MLLT1: variants seen among roughly 807,000 people sequenced by gnomAD.
MLLT1 encodes the protein MLLT1 super elongation complex subunit.
In MLLT1, 11 loss-of-function variants were observed where a neutral mutation model predicts 55.1. That is an observed-to-expected ratio of 0.20 (90% CI 0.13 to 0.33). The LOEUF (loss-of-function observed/expected upper bound fraction) is 0.33, where lower values mean the gene tolerates loss of function less well. MLLT1 is among the 10% of genes least tolerant of loss of function. The pLI, the probability that MLLT1 is intolerant of heterozygous loss-of-function variation, is 1.00. For missense variants in MLLT1, 536 were observed against 760.6 expected, an observed-to-expected ratio of 0.70 and a Z score of 3.47; for synonymous variants, 323 against 320.1, an observed-to-expected ratio of 1.01 and a Z score of -0.10.
At position 6,273,622 on chromosome 19, in the gene MLLT1, G is replaced by A. The variant is rs889042696; in HGVS notation, c.13-2863C>T. Among the ~76,000 whole-genome samples the A allele has an allele frequency of 4.6e-5, 7 of 152,144 alleles. No homozygotes were observed. Among genetic ancestry groups the A allele is most frequent in the African/African-American group, 1.7e-4 (7 of 41,418 alleles). The stretch of plus-strand genomic sequence containing the variant: ...CCATGACCACCCTCTATGCTTACAC[G>A]CCTGCGCCTCTGCCTTTTTCGCTAG... On this transcript the variant is annotated intron_variant, in intron 1 of 11. Transcript: ENST00000252674. The surrounding 1 kb of genome is among the most constrained non-coding windows in gnomAD (Gnocchi z 4.3).
intron 3 of MLLT1, among the ~76,000 whole-genome samples, chr19:6,236,401 C>A (rs572811854): frequency 6.6e-6 from 1 of 152,256 alleles, no homozygotes; most frequent in African/African-American, 2.4e-5. Flanking sequence ...GCCAGCGCAC[C>A]CCGGCAGAGG....
intron 3 of MLLT1, among the ~76,000 whole-genome samples, chr19:6,233,560 G>C (rs184746538): frequency 6.6e-6 from 1 of 152,330 alleles, no homozygotes; most frequent in Non-Finnish European, 1.5e-5. Flanking sequence ...GCGGCCTAGG[G>C]AGGGCTTTCC....
chr19:6,215,522 G>A (rs544100720), intron 8 of MLLT1, among the ~76,000 whole-genome samples: 6 of 152,308 alleles, frequency 3.9e-5, no homozygotes, highest in Admixed American at 2.0e-4. Flanking sequence ...TGGGAATCCC[G>A]CCATGTGCCT....
chr19:6,254,102 A>G (rs1309752685), intron 3 of MLLT1, among the ~76,000 whole-genome samples: 1 of 152,202 alleles, frequency 6.6e-6, no homozygotes, highest in Admixed American at 6.5e-5. Context: ...ATCATGTGAT[A>G]GGTGGCTGGA....
In MLLT1 at chr19:6,270,557, C is replaced by T. The variant is rs201623872; in HGVS notation, c.193+22G>A. ...GACAGATGGGTCCGTGCTGTGGGCACTCAGGGCTTGAGGCCACTCACCGCG... is the reference window on the plus strand; with the variant it reads ...GACAGATGGGTCCGTGCTGTGGGCATTCAGGGCTTGAGGCCACTCACCGCG... On this transcript the variant is annotated intron_variant, in intron 2 of 11. Coordinates refer to ENST00000252674, the MANE Select transcript of MLLT1 (RefSeq NM_005934.4). The surrounding 1 kb of genome is among the most constrained non-coding windows in gnomAD (Gnocchi z 7.1). The T allele has an allele frequency of 6.3e-7, 1 of 1,599,254 alleles. No homozygotes were observed. The highest frequency in any genetic ancestry group is 2.2e-5 in the East Asian group (1 of 44,784).
chr19:6,274,213 C>CA (rs2091415883), intron 1 of MLLT1, among the ~76,000 whole-genome samples: 1 of 152,230 alleles, frequency 6.6e-6, no homozygotes. Flanking sequence ...GGTGGAATAA[C>CA]AGAGTCTCTG....
At chr19:6,253,140 C>A (rs1400467826) in intron 3 of MLLT1, among the ~76,000 whole-genome samples, 3 of 151,348 alleles carry the variant, frequency 2.0e-5, no homozygotes, top group Admixed American at 6.6e-5. Flanking sequence ...GTGGGCACAC[C>A]CGTAGTCCCA....
chr19:6,270,500 G>A lies in MLLT1; in HGVS notation c.193+79C>T. ...TGGAGGGGTCCTGCTGCTCCTGAGG[G>A]AGGGGTGGAGCCTGGCCTTGGGAGG... On this transcript the variant is annotated intron_variant, in intron 2 of 11. Transcript: ENST00000252674. The surrounding 1 kb of genome is among the most constrained non-coding windows in gnomAD (Gnocchi z 7.1). 6.9e-7 allele frequency: 1 copy of A among 1,454,338 alleles called. No homozygotes were observed. Among genetic ancestry groups the A allele is most frequent in the South Asian group, 1.3e-5 (1 of 76,516 alleles). 90.1% of individuals were successfully genotyped at this position (1,454,338 alleles called of 1,614,324 possible). A position where few individuals can be genotyped will look rare whatever the true frequency, so the allele number is the denominator to read the frequency against.
intron 4 of MLLT1, among the ~76,000 whole-genome samples, chr19:6,228,157 C>G (rs944484240): frequency 1.6e-4 from 25 of 152,152 alleles, no homozygotes; most frequent in African/African-American, 5.8e-4. Flanking sequence ...CCAGCCGTCC[C>G]TGAAAACACG....
intron 2 of MLLT1, among the ~76,000 whole-genome samples, chr19:6,264,424 C>G (rs905130284): frequency 6.6e-6 from 1 of 152,072 alleles, no homozygotes; most frequent in Non-Finnish European, 1.5e-5. Flanking sequence ...TGTGGATAGG[C>G]AGAACCCACC....
chr19:6,210,606 C>T lies in MLLT1; in HGVS notation c.*2436G>A, dbSNP rs1600163235. 3 of 225,276 alleles carry T rather than the reference C, an allele frequency of 1.3e-5. No homozygotes were observed. The highest frequency in any genetic ancestry group is 1.3e-4 in the East Asian group (2 of 15,742). The allele number at this position is 225,276 out of a possible 1,614,324, so 14.0% of individuals were successfully genotyped here. On this transcript the variant is annotated 3_prime_UTR_variant, in exon 12 of 12. Transcript: ENST00000252674. This position sits in a 1 kb window ranked among gnomAD's most constrained non-coding sequence, Gnocchi z 4.6. ...AACCCTTATGGGCAAGAAAGGTATTCGATACCATTTGCTTTCCGGCGTCGG... is the reference window on the plus strand; with the variant it reads ...AACCCTTATGGGCAAGAAAGGTATTTGATACCATTTGCTTTCCGGCGTCGG...
At chr19:6,269,331 A>G (rs1025920103) in intron 2 of MLLT1, among the ~76,000 whole-genome samples, 1 of 152,232 alleles carries the variant, frequency 6.6e-6, no homozygotes, top group Admixed American at 6.5e-5. Flanking sequence ...CCTGCGCACG[A>G]AGCGCTGGCC....
intron 3 of MLLT1, chr19:6,259,706 G>A (rs975643183): frequency 1.3e-5 from 2 of 149,770 alleles, no homozygotes; most frequent in Admixed American, 6.7e-5. Context: ...GGAGCGCTGC[G>A]ATTCTCAGCA....
In MLLT1 at chr19:6,226,449, C is replaced by T. The variant is rs558511145; in HGVS notation, c.546+528G>A. Among the ~76,000 whole-genome samples, 3 of 152,306 alleles carry T rather than the reference C, an allele frequency of 2.0e-5. No individual in the cohort carries two copies. Among genetic ancestry groups the T allele is most frequent in the Non-Finnish European group, 2.9e-5 (2 of 68,018 alleles). ...CTGACCGACTGGGCCGAGATGAGAC[C>T]GTAAAAAGTTTCTTCCACACTGAAA... On this transcript the variant is annotated intron_variant, in intron 5 of 11. Transcript: ENST00000252674. This position sits in a 1 kb window ranked among gnomAD's most constrained non-coding sequence, Gnocchi z 6.3.
intron 7 of MLLT1, 136 bp from the exon 8 acceptor site, chr19:6,216,649 G>A: frequency 1.6e-6 from 1 of 623,320 alleles, no homozygotes; most frequent in South Asian, 2.0e-5. Context: ...CCACCTGGGG[G>A]TCCCTGTGCC....
At chr19:6,241,799 T>A (rs1471383913) in intron 3 of MLLT1, among the ~76,000 whole-genome samples, 6 of 152,218 alleles carry the variant, frequency 3.9e-5, no homozygotes, top group Non-Finnish European at 8.8e-5. Context: ...CTGGCACGCA[T>A]CCATGCGGCT....
At position 6,212,583 on chromosome 19, in the gene MLLT1, A is replaced by G. The variant is rs2090788467; in HGVS notation, c.*459T>C. The G allele has an allele frequency of 9.2e-7, 1 of 1,088,630 alleles. No individual in the cohort carries two copies. Among genetic ancestry groups the G allele is most frequent in the Non-Finnish European group, 1.1e-6 (1 of 895,596 alleles). 67.4% of individuals were successfully genotyped at this position (1,088,630 alleles called of 1,614,324 possible). ...TACACGGAGGACGACGCAGACACAC[A>G]GGCAGGGCCTTCTGAGGTCCAGGGT... On this transcript the variant is annotated 3_prime_UTR_variant, in exon 12 of 12. Coordinates refer to ENST00000252674, the MANE Select transcript of MLLT1 (RefSeq NM_005934.4).
At chr19:6,218,200 C>A (rs975977200) in intron 6 of MLLT1, among the ~76,000 whole-genome samples, 159 bp from the exon 7 acceptor site, 17 of 152,232 alleles carry the variant, frequency 1.1e-4, no homozygotes, top group Non-Finnish European at 2.1e-4. Flanking sequence ...TGAGAACCCA[C>A]TAAGGAGCCA....
At chr19:6,217,877 T>C in intron 7 of MLLT1, 77 bp downstream of exon 7, 1 of 1,521,700 alleles carries the variant, frequency 6.6e-7, no homozygotes, top group Non-Finnish European at 8.8e-7. Context: ...CAGTGGACGC[T>C]GAGGAATGCC....
Sources: allele counts gnomAD v4.1 joint callset (sites outside exome capture counted in the v4.1 genomes callset), GRCh38; gene constraint gnomAD v4.1.1; non-coding constraint Gnocchi (gnomAD v3.1); transcripts MANE v1.5; gene names NCBI Gene and HGNC (gene_info 2026-07-23, HGNC 2026-07-21).